Variants in ACAT2 observed in about 807,000 individuals in gnomAD.
The protein encoded by ACAT2 is acetyl-CoA acetyltransferase 2, also known as acetyl-CoA acetyltransferase, cytosolic.
A neutral mutation model predicts 37.1 loss-of-function variants in ACAT2; 26 were observed. That is an observed-to-expected ratio of 0.70 (90% CI 0.51 to 0.97). ACAT2 has a LOEUF of 0.97. Among genes scored for constraint, ACAT2 ranks in the 50% least tolerant of loss-of-function variants. The probability of loss-of-function intolerance (pLI) is 0.00; values close to 1 mark genes in which losing one functional copy is unlikely to be tolerated. For synonymous variants in ACAT2, 156 were observed against 163.6 expected (o/e 0.95, Z 0.35); for missense variants, 468 against 489.0 (o/e 0.96, Z 0.40).
In ACAT2 at chr6:159,778,186, G is replaced by A. The variant is rs1780466876; in HGVS notation, c.929G>A (p.Trp310Ter). 6.2e-7 allele frequency: 1 copy of A among 1,611,342 alleles called. No individual in the cohort carries two copies. Among genetic ancestry groups the A allele is most frequent in the East Asian group, 2.2e-5 (1 of 44,798 alleles). ...AIKQAVTKAGWSLEDVDIFEI... is the reference protein window; with the variant it reads ...AIKQAVTKAG ...TTCCTCTAGGTTACAAAAGCAGGTTGGTCACTGGAAGATGTTGACATATTT... is the reference window on the plus strand; with the variant it reads ...TTCCTCTAGGTTACAAAAGCAGGTTAGTCACTGGAAGATGTTGACATATTT... The change falls in exon 8 of 9, where the codon TGG becomes TAG. Residue 310 changes from tryptophan (W) to a stop codon, truncating the protein, a stop_gained. Transcript: ENST00000367048. LOFTEE classifies it high-confidence loss of function.
At chr6:159,768,950 G>A (rs925932093) in intron 4 of ACAT2, among the ~76,000 whole-genome samples, 2 of 152,258 alleles carry the variant, frequency 1.3e-5, no homozygotes, top group East Asian at 3.9e-4. Flanking sequence ...TTGGTACCTA[G>A]CTGTACTTTT....
intron 4 of ACAT2, among the ~76,000 whole-genome samples, chr6:159,771,613 T>C (rs1177924229): frequency 6.7e-6 from 1 of 149,958 alleles, no homozygotes; most frequent in Non-Finnish European, 1.5e-5. Context: ...ATCATGCCAC[T>C]GCACTCCAGT....
chr6:159,762,633 GA>G, intron 1 of ACAT2: 2 of 1,426,962 alleles, frequency 1.4e-6, no homozygotes, highest in Non-Finnish European at 1.9e-6. Flanking sequence ...TTTTGTTTGG[GA>G]AGCATGGGGT....
At chr6:159,767,503 A>G (rs756800445) in intron 3 of ACAT2, among the ~76,000 whole-genome samples, 2 of 152,220 alleles carry the variant, frequency 1.3e-5, no homozygotes, top group African/African-American at 4.8e-5. Flanking sequence ...TTTCTTTCCC[A>G]TTGTGAGTAA....
intron 4 of ACAT2, among the ~76,000 whole-genome samples, chr6:159,774,795 G>T (rs1780388251): frequency 6.6e-6 from 1 of 152,190 alleles, no homozygotes; most frequent in African/African-American, 2.4e-5. Flanking sequence ...TTGTTTTGGG[G>T]AAGTATACAC....
chr6:159,772,001 G>A (rs938102008), intron 4 of ACAT2, among the ~76,000 whole-genome samples: 3 of 152,222 alleles, frequency 2.0e-5, no homozygotes, highest in East Asian at 1.9e-4. Flanking sequence ...CGAGGCGGGC[G>A]GATCATGAGG....
intron 3 of ACAT2, among the ~76,000 whole-genome samples, chr6:159,767,621 C>A (rs1780274890): frequency 6.6e-6 from 1 of 152,170 alleles, no homozygotes; most frequent in East Asian, 1.9e-4. Context: ...AAGAGGACCA[C>A]CAAGTGGTGC....
chr6:159,778,566 C>G (rs931580581), intron 8 of ACAT2, 93 bp from the exon 9 acceptor site: 31 of 1,370,228 alleles, frequency 2.3e-5, no homozygotes, highest in Non-Finnish European at 2.7e-5. Context: ...GAAAGGGTAG[C>G]ATGCTGATAC....
At position 159,767,165 on chromosome 6, in the gene ACAT2, A is replaced by C. The variant is rs768016464; in HGVS notation, c.351A>C (p.Gly117=). The C allele has an allele frequency of 3.7e-6, 6 of 1,614,212 alleles. No homozygotes were observed. The highest frequency in any genetic ancestry group is 5.1e-6 in the Non-Finnish European group (6 of 1,180,028). ...GAGACTCCAGCATTGTGGTTGCAGG[A>C]GGCATGGAAAATATGAGCAAGGTAA... ...GIGDSSIVVA[G]GMENMSKAPH... is the part of the protein sequence containing the mutation. Residue 117 remains glycine, a synonymous_variant, in exon 3 of 9, where the codon GGA becomes GGC. Transcript: ENST00000367048.
intron 1 of ACAT2, 160 bp from the exon 2 acceptor site, chr6:159,762,758 AC>A (rs1780172292): frequency 6.3e-7 from 1 of 1,580,796 alleles, no homozygotes; most frequent in Non-Finnish European, 8.5e-7. Context: ...ACCCACCTTG[AC>A]CTTTGCTCAG....
chr6:159,763,945 C>CA (rs1436039512), intron 2 of ACAT2, among the ~76,000 whole-genome samples: 3 of 151,628 alleles, frequency 2.0e-5, no homozygotes, highest in African/African-American at 7.3e-5. Flanking sequence ...ACTAAAAATA[C>CA]AAAAAATTAG....
chr6:159,776,365 A>AT (rs1403016827), intron 6 of ACAT2, 93 bp downstream of exon 6: 2 of 1,424,694 alleles, frequency 1.4e-6, no homozygotes, highest in Non-Finnish European at 1.9e-6. Flanking sequence ...CAAAAGTACT[A>AT]TTTTTTGGGA....
intron 2 of ACAT2, among the ~76,000 whole-genome samples, chr6:159,764,421 G>GTAAT (rs916119549): frequency 6.6e-6 from 1 of 151,734 alleles, no homozygotes; most frequent in African/African-American, 2.4e-5. Context: ...TTGAACACTC[G>GTAAT]TAATTAATTA....
intron 1 of ACAT2, 107 bp downstream of exon 1, chr6:159,762,249 T>C: frequency 7.1e-7 from 1 of 1,404,802 alleles, no homozygotes; most frequent in Admixed American, 2.6e-5. Context: ...AGGAAGCCGG[T>C]CAGGCCAAGC....
rs369784106 is a variant in ACAT2, at chr6:159,775,340, TC to T, written c.634+28del. ...TGAGTATATCATAGTGGTTTAAACA[TC>T]AACCTATTTATAGGTAAGAGTAACA... On this transcript the variant is annotated intron_variant, in intron 5 of 8. Transcript: ENST00000367048. 2,841 of 1,606,794 alleles carry T rather than the reference TC, an allele frequency of 1.8e-3. 52 individuals are homozygous for T. In the South Asian group the frequency reaches 0.029, roughly 17 times the overall value.
chr6:159,762,678 G>C, intron 1 of ACAT2: 1 of 1,486,766 alleles, frequency 6.7e-7, no homozygotes, highest in Non-Finnish European at 9.0e-7. Context: ...GGAAATAGAA[G>C]GGCTACAGCG....
At position 159,763,058 on chromosome 6, in the gene ACAT2, GTC is replaced by G. The variant is rs1562474480; in HGVS notation, c.190+8_190+9del. On this transcript the variant is annotated splice_donor_region_variant and intron_variant, in intron 2 of 8. Transcript: ENST00000367048. ...TTGGACATGTCTTGGCAGCAGGTAA[GTC>G]TCAGTGATTCCAGGAGAAGTCAGGC... 2 of 1,608,388 alleles carry G rather than the reference GTC, an allele frequency of 1.2e-6. No individual in the cohort carries two copies. Among genetic ancestry groups the G allele is most frequent in the South Asian group, 1.1e-5 (1 of 90,360 alleles).
chr6:159,768,257 C>A (rs1412078844), intron 3 of ACAT2, among the ~76,000 whole-genome samples: 1 of 152,092 alleles, frequency 6.6e-6, no homozygotes, highest in African/African-American at 2.4e-5. Context: ...AAACAGGACA[C>A]AGAATGGGTA....
rs543155193 is a variant in ACAT2 at position 159,776,883 on chromosome 6, G to A, written c.758-419G>A. On this transcript the variant is annotated intron_variant, in intron 6 of 8. Coordinates refer to ENST00000367048, the MANE Select transcript of ACAT2 (RefSeq NM_005891.3). ...GGCTCACTGCAATCTCCGCCTCCCA[G>A]GTTCAAGCAATTCTCCTGTCTCAGC... is the stretch of plus-strand genomic sequence containing the variant. Among the ~76,000 whole-genome samples the A allele has an allele frequency of 2.6e-5, 4 of 152,182 alleles. No homozygotes were observed. In the East Asian group the frequency reaches 5.8e-4, roughly 22 times the overall value.
Sources: gnomAD v4.1 joint callset for allele counts (sites outside exome capture counted in the v4.1 genomes callset) on GRCh38, gnomAD v4.1.1 for gene constraint, MANE v1.5 for transcripts, NCBI Gene and HGNC (gene_info 2026-07-23, HGNC 2026-07-21) for gene names.